The following CD36 variants were observed in gnomAD, a reference collection of about 807,000 sequenced individuals.
The protein encoded by CD36 is platelet glycoprotein 4.
A neutral mutation model predicts 55.2 loss-of-function variants in CD36; 119 were observed. That is an observed-to-expected ratio of 2.15 (90% confidence interval 1.86 to 2.51). The LOEUF (loss-of-function observed/expected upper bound fraction) is 2.51, where lower values mean the gene tolerates loss of function less well. Among genes scored for constraint, CD36 ranks in the 30% most tolerant of loss-of-function variants. The pLI is 0.00. For missense variants in CD36, 819 were observed against 555.5 expected (o/e 1.47, Z -4.77); for synonymous variants, 186 against 193.6 (o/e 0.96, Z 0.33).
At chr7:80,629,258 T>A (rs1423525644) in intron 1 of CD36, among the ~76,000 whole-genome samples, 1 of 151,972 alleles carries the variant, frequency 6.6e-6, no homozygotes, top group African/African-American at 2.4e-5. Context: ...TCCTTGAGGT[T>A]GTAAGAGGGC....
chr7:80,676,622 A>T lies in CD36; in HGVS notation c.*239A>T, dbSNP rs1319001177. 1 of 152,196 alleles carries T rather than the reference A, an allele frequency of 6.6e-6. No individual in the cohort carries two copies. Among genetic ancestry groups the T allele is most frequent in the East Asian group, 1.9e-4 (1 of 5,194 alleles). 9.4% of individuals were successfully genotyped at this position (152,196 alleles called of 1,614,324 possible). On this transcript the variant is annotated 3_prime_UTR_variant, in exon 15 of 15. Coordinates refer to ENST00000447544, the MANE Select transcript of CD36 (RefSeq NM_001001548.3). ...ATATTTTGAAAGACATTTATAAATA[A>T]TTGGCTTATGACTCATATTTCTCTA...
intron 1 of CD36, among the ~76,000 whole-genome samples, chr7:80,606,281 T>G (rs1301978924): frequency 6.6e-6 from 1 of 152,138 alleles, no homozygotes; most frequent in Admixed American, 6.5e-5. Context: ...TGCAACTTTT[T>G]TTTTTGTATT....
chr7:80,625,078 GAATCTTTGTTACAAC>G (rs1793667548), intron 1 of CD36: 2 of 152,026 alleles, frequency 1.3e-5, no homozygotes, highest in Non-Finnish European at 2.9e-5. Flanking sequence ...TTGGGCTAGT[GAATCTTTGTTACAAC>G]AGCCAATAGG....
At chr7:80,649,871 G>A (rs1413304904) in intron 3 of CD36, among the ~76,000 whole-genome samples, 3 of 151,866 alleles carry the variant, frequency 2.0e-5, no homozygotes, top group Admixed American at 6.6e-5. Flanking sequence ...CAAACAAAGA[G>A]TACAATCCTA....
intron 3 of CD36, 82 bp downstream of exon 3, chr7:80,646,942 T>C: frequency 5.5e-6 from 8 of 1,465,224 alleles, no homozygotes; most frequent in Non-Finnish European, 7.6e-6. Context: ...ACCTGCTTTA[T>C]ATTTCATGGT....
chr7:80,619,133 T>TAAATG lies in CD36; in HGVS notation c.-184+16754_-184+16755insAAATG, dbSNP rs1397729207. Among the ~76,000 whole-genome samples, 6 of 152,188 alleles carry TAAATG rather than the reference T, an allele frequency of 3.9e-5. No homozygotes were observed. In the South Asian group the frequency reaches 1.0e-3, roughly 26 times the overall value. Reference sequence around the variant, plus strand: ...AGAATGATTCAAAGTCTACTTTGCTTGAGCTCTATAAATGGAACAACAAAG... The same window carrying TAAATG: ...AGAATGATTCAAAGTCTACTTTGCTTAAATGGAGCTCTATAAATGGAACAACAAAG... On this transcript the variant is annotated intron_variant, in intron 1 of 13. Transcript: ENST00000309881.
chr7:80,665,878 TAA>T (rs1491286117), intron 7 of CD36: 1 of 153,304 alleles, frequency 6.5e-6, no homozygotes, highest in Non-Finnish European at 1.5e-5. Flanking sequence ...CAGCAAAGTA[TAA>T]GTTAGTAAAC....
At chr7:80,646,974 G>A (rs1795216018) in intron 3 of CD36, 114 bp downstream of exon 3, 1 of 1,170,716 alleles carries the variant, frequency 8.5e-7, no homozygotes, top group East Asian at 2.4e-5. Flanking sequence ...TTGTATCTTT[G>A]ACATAAAGGT....
intron 8 of CD36, among the ~76,000 whole-genome samples, chr7:80,666,778 C>G (rs1797132195): frequency 6.6e-6 from 1 of 152,052 alleles, no homozygotes; most frequent in African/African-American, 2.4e-5. Context: ...TGGTAAAAAA[C>G]AAACAACAAC....
At chr7:80,668,410 G>T (rs1797327615) in intron 8 of CD36, among the ~76,000 whole-genome samples, 1 of 152,152 alleles carries the variant, frequency 6.6e-6, no homozygotes, top group African/African-American at 2.4e-5. Context: ...CTAGCGAAAA[G>T]AAAGTAATAA....
intron 3 of CD36, among the ~76,000 whole-genome samples, chr7:80,654,891 AAAAAAG>A (rs1288581288): frequency 6.6e-6 from 1 of 152,102 alleles, no homozygotes; most frequent in East Asian, 1.9e-4. Context: ...AAAAAAAAAA[AAAAAAG>A]ACAGTCATAG....
rs760481396 is a variant in CD36 at position 80,674,149 on chromosome 7, T to TAAGTA, written c.*3_*7dup. The TAAGTA allele has an allele frequency of 2.9e-5, 47 of 1,598,886 alleles. No individual in the cohort carries two copies. Among genetic ancestry groups the TAAGTA allele is most frequent in the Non-Finnish European group, 4.0e-5 (47 of 1,169,262 alleles). ...TGCAGATCGAAAACAATAAAATAAG[T>TAAGTA]AAGTATGTACCAAAAAATATTGCTT... On this transcript the variant is annotated splice_region_variant and intron_variant, in intron 14 of 14. Coordinates refer to ENST00000447544, the MANE Select transcript of CD36 (RefSeq NM_001001548.3).
In CD36 at chr7:80,671,926, A is replaced by C; in HGVS notation, c.1011A>C (p.Arg337Ser). ...ACTCTTAAAACTTGTCTTCAGGGAG[A>C]CCTGTGTACATTTCACTTCCTCATT... ...VLDISKCKEG[R>S]PVYISLPHFL... is the part of the protein sequence containing the mutation. The change falls in exon 11 of 15, where the codon AGA becomes AGC. Residue 337 changes from arginine (R) to serine (S), a missense_variant. By Grantham distance (110) the Arg-to-Ser change is moderately radical (BLOSUM62 -1). Transcript: ENST00000447544. 1 of 1,611,152 alleles carries C rather than the reference A, an allele frequency of 6.2e-7. No individual in the cohort carries two copies. The highest frequency in any genetic ancestry group is 8.5e-7 in the Non-Finnish European group (1 of 1,178,076).
chr7:80,656,791 T>G, intron 4 of CD36, 91 bp downstream of exon 4: 2 of 1,156,382 alleles, frequency 1.7e-6, no homozygotes, highest in South Asian at 1.3e-5. Flanking sequence ...TGTATTGAAA[T>G]GTACTTATTA....
intron 1 of CD36, among the ~76,000 whole-genome samples, chr7:80,628,677 C>A (rs1394662341): frequency 6.6e-6 from 1 of 152,030 alleles, no homozygotes; most frequent in Non-Finnish European, 1.5e-5. Context: ...TGCTTTCAAC[C>A]TGTGAACCCC....
intron 1 of CD36, among the ~76,000 whole-genome samples, chr7:80,631,354 T>A (rs1471254640): frequency 6.6e-6 from 1 of 152,066 alleles, no homozygotes; most frequent in Non-Finnish European, 1.5e-5. Flanking sequence ...ATGAAAGATT[T>A]CTTTCTGCAT....
chr7:80,653,601 G>A (rs1454830555), intron 3 of CD36, among the ~76,000 whole-genome samples: 1 of 152,136 alleles, frequency 6.6e-6, no homozygotes, highest in Non-Finnish European at 1.5e-5. Flanking sequence ...TTAGCCAAGT[G>A]AGAAAATCTT....
At chr7:80,649,359 AAAAC>A (rs890672319) in intron 3 of CD36, among the ~76,000 whole-genome samples, 16 of 152,206 alleles carry the variant, frequency 1.1e-4, no homozygotes, top group African/African-American at 3.8e-4. Context: ...CAGAGATAGG[AAAAC>A]AAACAAACAA....
intron 1 of CD36, among the ~76,000 whole-genome samples, chr7:80,631,239 A>G (rs777768774): frequency 1.3e-5 from 2 of 152,014 alleles, no homozygotes; most frequent in African/African-American, 2.4e-5. Flanking sequence ...ATCACAGTAA[A>G]TATGTTTGAG....
Sources: allele counts gnomAD v4.1 joint callset (sites outside exome capture counted in the v4.1 genomes callset), GRCh38; gene constraint gnomAD v4.1.1; transcripts MANE v1.5; gene names NCBI Gene and HGNC (gene_info 2026-07-23, HGNC 2026-07-21).